Variants in HCLS1 observed in about 807,000 individuals in gnomAD.
The protein encoded by HCLS1 is hematopoietic lineage cell-specific protein.
HCLS1 carries 44 observed loss-of-function variants against 68.6 expected under a neutral mutation model. That is an observed-to-expected ratio of 0.64 (90% CI 0.50 to 0.82). The LOEUF (loss-of-function observed/expected upper bound fraction) is 0.82, where lower values mean the gene tolerates loss of function less well. Among genes scored for constraint, HCLS1 ranks in the 40% least tolerant of loss-of-function variants. The pLI is 0.00. For synonymous variants in HCLS1, 217 were observed against 225.8 expected, an observed-to-expected ratio of 0.96 and a Z score of 0.35; for missense variants, 602 against 612.1, an observed-to-expected ratio of 0.98 and a Z score of 0.17.
intron 3 of HCLS1, chr3:121,653,594 A>G (rs1486440890): frequency 6.6e-6 from 1 of 152,242 alleles, no homozygotes; most frequent in South Asian, 2.1e-4. Flanking sequence ...GCTGGAAATC[A>G]AGATAGGATG....
intron 2 of HCLS1, 57 bp from the exon 3 acceptor site, chr3:121,657,409 G>A (rs1937896477): frequency 4.6e-6 from 7 of 1,529,964 alleles, no homozygotes; most frequent in Non-Finnish European, 6.3e-6. Context: ...ACATTGAGAA[G>A]GGCCACCCAA....
At chr3:121,643,252 C>T (rs1044737838) in intron 5 of HCLS1, 2 of 293,170 alleles carry the variant, frequency 6.8e-6, no homozygotes, top group Admixed American at 4.1e-5. Flanking sequence ...TTACTAAGCC[C>T]CAGTCTCTTT....
intron 10 of HCLS1, 132 bp downstream of exon 10, chr3:121,634,075 A>C (rs2049125878): frequency 6.8e-7 from 1 of 1,472,606 alleles, no homozygotes. Flanking sequence ...AAGTCTTCTA[A>C]AGACAGAGAC....
chr3:121,634,914 G>A lies in HCLS1; in HGVS notation c.692-496C>T, dbSNP rs139890624. Among the ~76,000 whole-genome samples, 332 of 152,204 alleles carry A rather than the reference G, an allele frequency of 2.2e-3. 1 individual carries two copies. The highest frequency in any genetic ancestry group is 7.5e-3 in the African/African-American group (311 of 41,522). On this transcript the variant is annotated intron_variant, in intron 9 of 13. Transcript: ENST00000314583. ...CCCAAAGTGCTGGGATTACAGGTGT[G>A]AGCCACCATGCCCAGCTGACTTGTG... is the stretch of plus-strand genomic sequence containing the variant.
chr3:121,640,445 A>G (rs2049186681), intron 6 of HCLS1, among the ~76,000 whole-genome samples: 1 of 152,154 alleles, frequency 6.6e-6, no homozygotes, highest in Non-Finnish European at 1.5e-5. Context: ...ACCATGAGGA[A>G]CGCAGATTAG....
chr3:121,644,210 G>A (rs1401686313), intron 5 of HCLS1: 2 of 174,546 alleles, frequency 1.1e-5, no homozygotes, highest in Admixed American at 5.4e-5. Context: ...CTAATAAGGC[G>A]TGGAACTAAA....
intron 6 of HCLS1, among the ~76,000 whole-genome samples, chr3:121,638,402 C>A (rs1342667149): frequency 5.9e-5 from 9 of 152,058 alleles, no homozygotes; most frequent in Admixed American, 5.9e-4. Flanking sequence ...GGATTAGGAT[C>A]GAGGCTCTGT....
At chr3:121,639,291 GAC>G (rs2049177032) in intron 6 of HCLS1, among the ~76,000 whole-genome samples, 1 of 152,054 alleles carries the variant, frequency 6.6e-6, no homozygotes, top group Non-Finnish European at 1.5e-5. Flanking sequence ...TGACCAAATA[GAC>G]CATGTGCCAG....
At chr3:121,658,404 A>C in intron 1 of HCLS1, 57 bp from the exon 2 acceptor site, 1 of 1,321,136 alleles carries the variant, frequency 7.6e-7, no homozygotes, top group Non-Finnish European at 1.1e-6. Context: ...AGAGGAGGGA[A>C]AATAGGAATG....
chr3:121,633,533 T>TTTTTA (rs1430490512), intron 10 of HCLS1, among the ~76,000 whole-genome samples: 2 of 152,022 alleles, frequency 1.3e-5, no homozygotes, highest in Non-Finnish European at 1.5e-5. Context: ...ATCTTCATTC[T>TTTTTA]TTTTATTTTA....
At chr3:121,658,451 A>AT (rs969254853) in intron 1 of HCLS1, 104 bp from the exon 2 acceptor site, 12,934 of 750,010 alleles carry the variant, frequency 0.017, 70 homozygotes, top group African/African-American at 0.064. Context: ...ATTTCCTGCC[A>AT]TTTTTTTTTT....
rs1937895559 is a variant in HCLS1 at position 121,657,354 on chromosome 3, T to C, written c.85-2A>G. On this transcript the variant is annotated splice_acceptor_variant, in intron 2 of 13. Transcript: ENST00000314583. LOFTEE classifies it high-confidence loss of function. ...TTGCTCCTTTTCAGAGATGTCATTC[T>C]GCAAACGACAGCACGCAGTAATACA... The C allele has an allele frequency of 6.2e-7, 1 of 1,613,976 alleles. No homozygotes were observed. The highest frequency in any genetic ancestry group is 1.3e-5 in the African/African-American group (1 of 74,930).
At chr3:121,646,386 AT>A (rs1560141737) in intron 4 of HCLS1, among the ~76,000 whole-genome samples, 2 of 89,510 alleles carry the variant, frequency 2.2e-5, no homozygotes, top group African/African-American at 8.6e-5. Flanking sequence ...ACTATGTAAT[AT>A]ATTACTATGT....
rs192316764 is a variant in HCLS1 at position 121,649,326 on chromosome 3, C to T, written c.159-1878G>A. 1.9e-3 allele frequency among the ~76,000 whole-genome samples: 290 copies of T among 152,284 alleles called. 2 individuals carry two copies. The highest frequency in any genetic ancestry group is 3.7e-3 in the Admixed American group (57 of 15,298). ...TCTCAGCTCACTGTAATCTCCGCCT[C>T]CCGGGTTCAAGTGATTCTCTTGCCT... On this transcript the variant is annotated intron_variant, in intron 3 of 13. Transcript: ENST00000314583.
intron 9 of HCLS1, 50 bp from the exon 10 acceptor site, chr3:121,634,468 GGAAGGGCATGGCACTT>G (rs1296716571): frequency 6.5e-7 from 1 of 1,548,954 alleles, no homozygotes; most frequent in Admixed American, 1.7e-5. Flanking sequence ...TGGAGAGTGG[GGAAGGGCATGGCACTT>G]GAAGGAAGAA....
Position 121,633,090 on chromosome 3 carries a change from G to A in HCLS1, c.985C>T (p.Pro329Ser). Residue 329 changes from proline to serine, a missense_variant, in exon 11 of 14, where the codon CCC (proline) becomes TCC (serine). By Grantham distance (74) the Pro-to-Ser change is moderately conservative (BLOSUM62 -1). Coordinates refer to ENST00000314583, the MANE Select transcript of HCLS1 (RefSeq NM_005335.6). ...ACCTCCGGGAGAGTCTGCCTAATGG[G>A]CAGCAAGGGCACTGGGTGTTCCCTG... Reference protein sequence around the residue: ...TSREHPVPLLPIRQTLPEDNE... With the variant: ...TSREHPVPLLSIRQTLPEDNE... The A allele has an allele frequency of 6.2e-7, 1 of 1,612,260 alleles. No homozygotes were observed. The highest frequency in any genetic ancestry group is 8.5e-7 in the Non-Finnish European group (1 of 1,178,526).
At chr3:121,646,105 TTA>T (rs1221734130) in intron 4 of HCLS1, among the ~76,000 whole-genome samples, 1 of 120,052 alleles carries the variant, frequency 8.3e-6, no homozygotes, top group Non-Finnish European at 1.6e-5. Context: ...AATTATATAC[TTA>T]TATATAATAT....
chr3:121,649,024 TATA>T (rs1937675278), intron 3 of HCLS1, among the ~76,000 whole-genome samples: 1 of 152,206 alleles, frequency 6.6e-6, no homozygotes, highest in Non-Finnish European at 1.5e-5. Flanking sequence ...TTTTAATGAA[TATA>T]ATAATTGTTA....
In HCLS1 at chr3:121,631,457, T is replaced by TCA. The variant is rs34798973; in HGVS notation, c.*387_*388dup. On this transcript the variant is annotated 3_prime_UTR_variant, in exon 14 of 14. Transcript: ENST00000314583. ...TTTTAGGACTGAACAGAAAGAAGGT[T>TCA]CAGATATTTCTTCAGGGAAGGAAAG... The TCA allele has an allele frequency of 0.7, 125,910 of 179,386 alleles. 45,123 individuals carry two copies. Among genetic ancestry groups the TCA allele is most frequent in the East Asian group, 0.85 (5,468 of 6,440 alleles). The allele number at this position is 179,386 out of a possible 1,614,324, so 11.1% of individuals were successfully genotyped here. A position where few individuals can be genotyped will look rare whatever the true frequency, so the allele number is the denominator to read the frequency against.
Sources: gnomAD v4.1 joint callset for allele counts (sites outside exome capture counted in the v4.1 genomes callset) on GRCh38, gnomAD v4.1.1 for gene constraint, MANE v1.5 for transcripts, NCBI Gene and HGNC (gene_info 2026-07-23, HGNC 2026-07-21) for gene names.